Variants in NSD2 observed in about 807,000 individuals in gnomAD.
NSD2 encodes the protein histone-lysine N-methyltransferase NSD2.
In NSD2, 12 loss-of-function variants were observed where a neutral mutation model predicts 139.0. That is an observed-to-expected ratio of 0.09 (90% confidence interval 0.06 to 0.14). The LOEUF (loss-of-function observed/expected upper bound fraction) is 0.14. NSD2 is among the 10% of genes least tolerant of loss of function. NSD2 has a pLI of 1.00. For missense variants in NSD2, 1,155 were observed against 1,745.0 expected (o/e 0.66, Z 6.02); for synonymous variants, 669 against 648.7 (o/e 1.03, Z -0.48).
chr4:1,902,658 C>G (rs745592357), intron 2 of NSD2, among the ~76,000 whole-genome samples: 2 of 152,110 alleles, frequency 1.3e-5, no homozygotes, highest in Non-Finnish European at 2.9e-5. Context: ...AGGCTGTTCA[C>G]GAACTCCTGA....
intron 1 of NSD2, among the ~76,000 whole-genome samples, chr4:1,898,469 C>G (rs948301372): frequency 3.9e-5 from 6 of 152,020 alleles, no homozygotes; most frequent in African/African-American, 1.4e-4. Flanking sequence ...TCGAGACCAT[C>G]CTGGGTAACA....
chr4:1,938,510 C>G lies in NSD2; in HGVS notation c.1734C>G (p.Ala578=), dbSNP rs1159328542. 1.2e-6 allele frequency: 2 copies of G among 1,600,910 alleles called. No homozygotes were observed. Among genetic ancestry groups the G allele is most frequent in the Non-Finnish European group, 1.7e-6 (2 of 1,174,326 alleles). The change falls in exon 8 of 22, where the codon GCC becomes GCG. Residue 578 remains alanine (A), a synonymous_variant. Transcript: ENST00000508803. The part of the protein sequence containing the change: ...RTSSYKAMEA[A]SSLKSQAATK... The stretch of plus-strand genomic sequence containing the variant: ...GCTCTTACAAGGCCATGGAGGCAGC[C>G]TCCTCGCTCAAGAGCCAGGCAGGTA...
At chr4:1,940,883 C>A in intron 9 of NSD2, 1 of 1,057,688 alleles carries the variant, frequency 9.5e-7, no homozygotes, top group East Asian at 5.2e-5. Context: ...AGCTCTGCGG[C>A]TTGCCACTCT....
At chr4:1,872,635 A>AGAGAGAGAGAGC (rs1179623184) in intron 1 of NSD2, among the ~76,000 whole-genome samples, 49 of 120,182 alleles carry the variant, frequency 4.1e-4, no homozygotes, top group African/African-American at 5.2e-4. Context: ...AGAGAGAGAG[A>AGAGAGAGAGAGC]GCGCGCAGAC....
Position 1,974,717 on chromosome 4 carries a change from T to TCCA in NSD2, c.3373-144_3373-143insACC. The TCCA allele has an allele frequency of 8.8e-7, 1 of 1,139,570 alleles. No individual in the cohort carries two copies. Among genetic ancestry groups the TCCA allele is most frequent in the Admixed American group, 1.7e-5 (1 of 59,220 alleles). 70.6% of individuals were successfully genotyped at this position (1,139,570 alleles called of 1,614,324 possible). On this transcript the variant is annotated intron_variant, in intron 18 of 21. Transcript: ENST00000508803. This position sits in a 1 kb window ranked among gnomAD's most constrained non-coding sequence, Gnocchi z 4.0. ...GAGAAACAGGACTGGTTTGGGGGTG[T>TCCA]CCTGTCTCAGTGGACACAGGACACC...
chr4:1,900,733 A>G lies in NSD2; in HGVS notation c.79A>G (p.Ile27Val), dbSNP rs1362685503. 2.5e-6 allele frequency: 4 copies of G among 1,614,054 alleles called. No homozygotes were observed. Among genetic ancestry groups the G allele is most frequent in the South Asian group, 2.2e-5 (2 of 91,066 alleles). ...KCIKMKQAPE[I>V]LGSANGKTPS... is the part of the protein sequence containing the mutation. The stretch of plus-strand genomic sequence containing the variant: ...CATAAAGATGAAGCAGGCACCAGAA[A>G]TCCTCGGCAGTGCCAACGGGAAGAC... Residue 27 changes from isoleucine (I) to valine (V), a missense_variant, in exon 2 of 22, where the codon ATC becomes GTC. By Grantham distance (29) the Ile-to-Val change is conservative. Transcript: ENST00000508803.
At chr4:1,874,245 CTT>C (rs1424944373) in intron 1 of NSD2, among the ~76,000 whole-genome samples, 1 of 152,164 alleles carries the variant, frequency 6.6e-6, no homozygotes. Context: ...GCCTCAGTCT[CTT>C]GTTTTGCTTG....
intron 5 of NSD2, among the ~76,000 whole-genome samples, chr4:1,920,212 G>A (rs1031728013): frequency 3.9e-5 from 6 of 152,164 alleles, no homozygotes; most frequent in African/African-American, 1.4e-4. Flanking sequence ...CACATTGGGA[G>A]GCTAAGGTGG....
At chr4:1,941,839 C>T in intron 9 of NSD2, 1 of 1,055,874 alleles carries the variant, frequency 9.5e-7, no homozygotes, top group South Asian at 4.6e-5. Flanking sequence ...ATTAACGCGA[C>T]TGAACTACAG....
intron 11 of NSD2, 52 bp downstream of exon 11, chr4:1,952,283 G>A (rs1459421591): frequency 1.2e-6 from 2 of 1,605,214 alleles, no homozygotes; most frequent in Non-Finnish European, 1.7e-6. Flanking sequence ...ACCTGCTCCT[G>A]CAACCCCCTG....
At chr4:1,951,563 T>C (rs1724273521) in intron 10 of NSD2, among the ~76,000 whole-genome samples, 1 of 150,622 alleles carries the variant, frequency 6.6e-6, no homozygotes, top group Non-Finnish European at 1.5e-5. Flanking sequence ...AGGCCTGTTT[T>C]AGCTTCACTG....
chr4:1,970,854 C>T (rs927294373), intron 18 of NSD2, among the ~76,000 whole-genome samples: 1 of 152,186 alleles, frequency 6.6e-6, no homozygotes, highest in African/African-American at 2.4e-5. Context: ...GAGTCCCCAA[C>T]AGCAGGAAAT....
At chr4:1,947,268 G>A (rs972078951) in intron 9 of NSD2, 4 of 1,063,160 alleles carry the variant, frequency 3.8e-6, no homozygotes, top group African/African-American at 3.3e-5. Flanking sequence ...ACAAGGGCAG[G>A]CCTTGAATTG....
intron 18 of NSD2, among the ~76,000 whole-genome samples, chr4:1,964,637 CGT>C (rs1560783272): frequency 2.0e-5 from 3 of 152,022 alleles, no homozygotes; most frequent in Admixed American, 6.5e-5. Flanking sequence ...GCTGCGCTGC[CGT>C]TGTTATCACA....
At chr4:1,975,256 G>C (rs550355435) in intron 19 of NSD2, 38 bp from the exon 20 acceptor site, 1 of 1,592,616 alleles carries the variant, frequency 6.3e-7, no homozygotes, top group African/African-American at 1.3e-5. Context: ...GAGAAAGGCA[G>C]GTGTTTCCAA....
chr4:1,950,814 C>T (rs1724136835), intron 9 of NSD2, among the ~76,000 whole-genome samples: 1 of 152,192 alleles, frequency 6.6e-6, no homozygotes, highest in African/African-American at 2.4e-5. Flanking sequence ...AGGAATATGC[C>T]TCTTATATGC....
chr4:1,953,909 C>T (rs529694134), intron 12 of NSD2, among the ~76,000 whole-genome samples: 5 of 151,948 alleles, frequency 3.3e-5, no homozygotes, highest in African/African-American at 1.2e-4. Flanking sequence ...CTCTCGGGCT[C>T]AAGCTGTCCT....
At chr4:1,920,865 TAA>T (rs1384343827) in intron 5 of NSD2, among the ~76,000 whole-genome samples, 1 of 145,550 alleles carries the variant, frequency 6.9e-6, no homozygotes, top group Non-Finnish European at 1.5e-5. Context: ...ACCCTGTCTC[TAA>T]AAAAAAAAAA....
intron 9 of NSD2, chr4:1,941,518 C>T: frequency 1.9e-6 from 2 of 1,043,750 alleles, no homozygotes; most frequent in Non-Finnish European, 2.3e-6. Flanking sequence ...CTTGAGAAGA[C>T]ATAGATGAAG....
Sources: gnomAD v4.1 joint callset for allele counts (sites outside exome capture counted in the v4.1 genomes callset) on GRCh38, gnomAD v4.1.1 for gene constraint, Gnocchi (gnomAD v3.1) non-coding constraint, MANE v1.5 for transcripts, NCBI Gene and HGNC (gene_info 2026-07-23, HGNC 2026-07-21) for gene names.